CSGALNACT1: variants seen among roughly 807,000 people sequenced by gnomAD.
The protein encoded by CSGALNACT1 is beta4GalNAcT-1.
A neutral mutation model predicts 51.0 loss-of-function variants in CSGALNACT1; 52 were observed. The ratio of observed to expected loss-of-function variants is 1.02; its 90% CI spans 0.82 to 1.29. CSGALNACT1 has a LOEUF of 1.29. CSGALNACT1 is among the 50% of genes most tolerant of loss of function. The pLI, the probability that CSGALNACT1 is intolerant of heterozygous loss-of-function variation, is 0.00. For missense variants in CSGALNACT1, 935 were observed against 679.2 expected, an observed-to-expected ratio of 1.38 and a Z score of -4.19; for synonymous variants, 341 against 254.4, an observed-to-expected ratio of 1.34 and a Z score of -3.24.
At chr8:19,477,711 G>A (rs1377839425) in intron 4 of CSGALNACT1, among the ~76,000 whole-genome samples, 2 of 152,186 alleles carry the variant, frequency 1.3e-5, no homozygotes, top group South Asian at 4.1e-4. Context: ...ACCTTTCTTT[G>A]CATCTATGTC....
chr8:19,674,986 T>C (rs1460482283), intron 1 of CSGALNACT1, among the ~76,000 whole-genome samples: 4 of 152,162 alleles, frequency 2.6e-5, no homozygotes, highest in Non-Finnish European at 4.4e-5. Flanking sequence ...CAAGAATCCA[T>C]CTTGAGACTC....
chr8:19,601,270 C>T lies in CSGALNACT1; in HGVS notation c.-416+501G>A, dbSNP rs1392731476. ...AGCTCTAGACAGTGTCCCTCTAAGA[C>T]ACCATATGTCAGAAAGAAAGCTCAT... On this transcript the variant is annotated intron_variant, in intron 2 of 9. Coordinates refer to ENST00000454498, the Ensembl canonical transcript of CSGALNACT1. Among the ~76,000 whole-genome samples, 4 of 152,212 alleles carry T rather than the reference C, an allele frequency of 2.6e-5. No individual in the cohort carries two copies. The East Asian group carries it at 5.8e-4, about 22-fold the overall frequency.
At chr8:19,745,756 C>T (rs2064614535) in intron 1 of CSGALNACT1, among the ~76,000 whole-genome samples, 1 of 152,180 alleles carries the variant, frequency 6.6e-6, no homozygotes, top group South Asian at 2.1e-4. Context: ...CCAGGTCCTG[C>T]TGCTCACAGC....
At chr8:19,574,798 G>C (rs904626856) in intron 3 of CSGALNACT1, among the ~76,000 whole-genome samples, 1 of 152,186 alleles carries the variant, frequency 6.6e-6, no homozygotes, top group African/African-American at 2.4e-5. Context: ...TTGGGAGGCT[G>C]AAACGGGCAG....
At chr8:19,484,878 G>A (rs1019880189) in intron 4 of CSGALNACT1, among the ~76,000 whole-genome samples, 4 of 152,156 alleles carry the variant, frequency 2.6e-5, no homozygotes, top group African/African-American at 9.7e-5. Flanking sequence ...AGACACCAGA[G>A]ACGTGCACTC....
chr8:19,692,105 G>T (rs564662711), intron 1 of CSGALNACT1, among the ~76,000 whole-genome samples: 1 of 152,082 alleles, frequency 6.6e-6, no homozygotes, highest in African/African-American at 2.4e-5. Flanking sequence ...GATATCCTGA[G>T]AACTCACTCA....
intron 1 of CSGALNACT1, among the ~76,000 whole-genome samples, chr8:19,631,757 C>G (rs1466771794): frequency 3.3e-5 from 5 of 152,164 alleles, no homozygotes; most frequent in Non-Finnish European, 7.4e-5. Flanking sequence ...CTCATAAAGG[C>G]ACTTTCTTTA....
chr8:19,617,380 C>T (rs1167663625), intron 1 of CSGALNACT1, among the ~76,000 whole-genome samples: 1 of 152,178 alleles, frequency 6.6e-6, no homozygotes, highest in African/African-American at 2.4e-5. Flanking sequence ...AATTAAACCT[C>T]TTTTCTTTAA....
chr8:19,587,418 G>C (rs898040168), intron 3 of CSGALNACT1, among the ~76,000 whole-genome samples: 1 of 152,162 alleles, frequency 6.6e-6, no homozygotes, highest in African/African-American at 2.4e-5. Context: ...GAAATGTCAT[G>C]GGTGGTAAGG....
intron 3 of CSGALNACT1, among the ~76,000 whole-genome samples, chr8:19,514,475 CTATATATATATATATA>C (rs33928915): frequency 0.28 from 21,800 of 78,958 alleles, 2,484 homozygotes; most frequent in Middle Eastern, 0.35. Flanking sequence ...TGAACAGAGA[CTATATATATATATATA>C]TATATATATA....
intron 6 of CSGALNACT1, among the ~76,000 whole-genome samples, chr8:19,436,328 G>A (rs1259317010): frequency 1.3e-5 from 2 of 152,080 alleles, no homozygotes; most frequent in African/African-American, 4.8e-5. Flanking sequence ...AACAGGTGGT[G>A]GTATGCTAAC....
chr8:19,437,962 TG>T lies in CSGALNACT1; in HGVS notation c.953+1867del, dbSNP rs1297543285. ...CCAGGTAATTTGATATGGAGAAGAA[TG>T]TATTGATAAAGGTATAGCCTTAAGC... On this transcript the variant is annotated intron_variant, in intron 6 of 9. Coordinates refer to ENST00000454498, the Ensembl canonical transcript of CSGALNACT1. Among the ~76,000 whole-genome samples, 4 of 152,350 alleles carry T rather than the reference TG, an allele frequency of 2.6e-5. No homozygotes were observed. The East Asian group carries it at 7.7e-4, about 29-fold the overall frequency.
At chr8:19,664,676 C>CACACAT (rs1554792928) in intron 1 of CSGALNACT1, among the ~76,000 whole-genome samples, 172 of 151,056 alleles carry the variant, frequency 1.1e-3, no homozygotes, top group African/African-American at 2.9e-3. Flanking sequence ...TACACACATA[C>CACACAT]ACACATATAC....
intron 5 of CSGALNACT1, among the ~76,000 whole-genome samples, chr8:19,440,295 G>A (rs1270322129): frequency 1.3e-5 from 2 of 152,106 alleles, no homozygotes; most frequent in African/African-American, 2.4e-5. Flanking sequence ...TATCCTTGAT[G>A]AACATTGATG....
intron 6 of CSGALNACT1, among the ~76,000 whole-genome samples, chr8:19,431,725 G>T (rs978659915): frequency 6.6e-6 from 1 of 152,026 alleles, no homozygotes; most frequent in East Asian, 1.9e-4. Context: ...TTTTGGAAGA[G>T]TTTTTGACAC....
At chr8:19,412,896 G>T (rs918003502) in intron 8 of CSGALNACT1, among the ~76,000 whole-genome samples, 4 of 152,100 alleles carry the variant, frequency 2.6e-5, no homozygotes, top group African/African-American at 4.8e-5. Flanking sequence ...TGCACAGGGT[G>T]CCAGGAGGGC....
chr8:19,419,392 T>G (rs1162547532), intron 7 of CSGALNACT1, among the ~76,000 whole-genome samples: 2 of 152,194 alleles, frequency 1.3e-5, no homozygotes, highest in African/African-American at 4.8e-5. Context: ...GGGATCATCT[T>G]AAATGGTTGA....
At chr8:19,599,434 GAAGAAAGAAAAAGAAAAAGAAAAGAAAGA>G (rs2049759077) in intron 2 of CSGALNACT1, among the ~76,000 whole-genome samples, 2 of 103,148 alleles carry the variant, frequency 1.9e-5, no homozygotes, top group Non-Finnish European at 3.9e-5. Context: ...GGAAGGAAAG[GAAGAAAGAAAAAGAAAAAGAAAAGAAAGA>G]AAGAAAGAAA....
At chr8:19,431,685 G>C (rs895549217) in intron 6 of CSGALNACT1, among the ~76,000 whole-genome samples, 3 of 152,076 alleles carry the variant, frequency 2.0e-5, no homozygotes, top group Admixed American at 6.5e-5. Flanking sequence ...CAAAGAGTAA[G>C]TTGGAAAGTG....
Sources: gnomAD v4.1 joint callset for allele counts (sites outside exome capture counted in the v4.1 genomes callset) on GRCh38, gnomAD v4.1.1 for gene constraint, MANE v1.5 for transcripts, NCBI Gene and HGNC (gene_info 2026-07-23, HGNC 2026-07-21) for gene names.